Variants in LYRM7 observed in about 807,000 individuals in gnomAD.
LYRM7 encodes complex III assembly factor LYRM7.
A neutral mutation model predicts 15.8 loss-of-function variants in LYRM7; 9 were observed. The ratio of observed to expected loss-of-function variants is 0.57; its 90% CI spans 0.34 to 0.99. The LOEUF (loss-of-function observed/expected upper bound fraction) is 0.99, where lower values mean the gene tolerates loss of function less well. Ranked by LOEUF, LYRM7 falls within the 50% of genes least tolerant of loss-of-function variation. The probability of loss-of-function intolerance (pLI) is 0.02; values close to 1 mark genes in which losing one functional copy is unlikely to be tolerated. For synonymous variants in LYRM7, 39 were observed against 39.4 expected (o/e 0.99, Z 0.04); for missense variants, 115 against 119.1 (o/e 0.97, Z 0.16).
chr5:131,181,456 C>CAT (rs199684946), intron 2 of LYRM7, among the ~76,000 whole-genome samples: 1 of 118,010 alleles, frequency 8.5e-6, no homozygotes, highest in South Asian at 2.4e-4. Flanking sequence ...ATATATAAAA[C>CAT]ATATATATGT....
Position 131,200,674 on chromosome 5 carries a change from A to G in LYRM7, c.*1073A>G, listed in dbSNP as rs1265034518. The G allele has an allele frequency of 6.6e-6, 1 of 152,212 alleles. No homozygotes were observed. Among genetic ancestry groups the G allele is most frequent in the African/African-American group, 2.4e-5 (1 of 41,332 alleles). 9.4% of individuals were successfully genotyped at this position (152,212 alleles called of 1,614,324 possible). A position where few individuals can be genotyped will look rare whatever the true frequency, so the allele number is the denominator to read the frequency against. ...GTATCTAGAAATTATACCTAGAGAA[A>G]AATGAAAGTCGTTTCAAATTTGAAA... On this transcript the variant is annotated 3_prime_UTR_variant, in exon 5 of 5. Coordinates refer to ENST00000379380, the MANE Select transcript of LYRM7 (RefSeq NM_181705.4).
At chr5:131,192,032 TACACAC>T (rs60867142) in intron 4 of LYRM7, among the ~76,000 whole-genome samples, 3,994 of 127,634 alleles carry the variant, frequency 0.031, 113 homozygotes, top group African/African-American at 0.069. Context: ...ATGTGGTGCA[TACACAC>T]ACACACACAC....
chr5:131,182,443 G>C, intron 3 of LYRM7, 144 bp downstream of exon 3: 3 of 791,658 alleles, frequency 3.8e-6, no homozygotes, highest in Non-Finnish European at 5.2e-6. Context: ...TCACTTATTT[G>C]GTATGGCTCA....
Position 131,182,077 on chromosome 5 carries a change from A to G in LYRM7, c.92-152A>G, listed in dbSNP as rs72803764. The G allele has an allele frequency of 0.066, 43,353 of 658,528 alleles. 1,888 individuals carry two copies. Among genetic ancestry groups the G allele is most frequent in the Admixed American group, 0.16 (3,443 of 22,142 alleles). The allele number at this position is 658,528 out of a possible 1,614,324, so 40.8% of individuals were successfully genotyped here. On this transcript the variant is annotated intron_variant, in intron 2 of 4. Transcript: ENST00000379380. Reference sequence around the variant, plus strand: ...TGTCAAAAGCTCTCCAAGAGACTTCATTAATAAATTTCTTATTCTTATGCT... The same window carrying G: ...TGTCAAAAGCTCTCCAAGAGACTTCGTTAATAAATTTCTTATTCTTATGCT...
intron 3 of LYRM7, among the ~76,000 whole-genome samples, chr5:131,183,454 A>T (rs1380913064): frequency 2.0e-5 from 3 of 152,194 alleles, no homozygotes; most frequent in South Asian, 2.1e-4. Flanking sequence ...TGAAATTATG[A>T]TTAAAGACTT....
chr5:131,181,471 A>G (rs920015637), intron 2 of LYRM7, among the ~76,000 whole-genome samples: 2 of 130,110 alleles, frequency 1.5e-5, no homozygotes, highest in Admixed American at 1.7e-4. Context: ...ATATGTATAT[A>G]TATATAACAT....
At chr5:131,177,316 C>A (rs988648141) in intron 1 of LYRM7, among the ~76,000 whole-genome samples, 4 of 152,150 alleles carry the variant, frequency 2.6e-5, no homozygotes, top group Non-Finnish European at 5.9e-5. Context: ...TGGTCTTTGC[C>A]TCTCCCATGT....
At chr5:131,196,314 G>T (rs917406711) in intron 4 of LYRM7, among the ~76,000 whole-genome samples, 1 of 151,682 alleles carries the variant, frequency 6.6e-6, no homozygotes, top group African/African-American at 2.4e-5. Flanking sequence ...ACCGTGCTTG[G>T]CTTCTCCTGT....
intron 4 of LYRM7, among the ~76,000 whole-genome samples, chr5:131,188,925 T>C (rs1203124867): frequency 6.6e-6 from 1 of 151,820 alleles, no homozygotes; most frequent in Non-Finnish European, 1.5e-5. Flanking sequence ...GGCGGGTGGA[T>C]CACTTGAGGT....
intron 4 of LYRM7, among the ~76,000 whole-genome samples, chr5:131,195,616 T>C (rs944073315): frequency 1.3e-5 from 2 of 152,200 alleles, no homozygotes; most frequent in Non-Finnish European, 2.9e-5. Context: ...CTTTAAGAAG[T>C]GGCCCCTAAG....
At position 131,201,495 on chromosome 5, in the gene LYRM7, T is replaced by G. The variant is rs1756065297; in HGVS notation, c.*1894T>G. On this transcript the variant is annotated 3_prime_UTR_variant, in exon 5 of 5. Transcript: ENST00000379380. ...ACTTTGGGAGGCCGAGGCAGGCAGATCACCTGAGGTCAGGAGTTCTAGACC... is the reference window on the plus strand; with the variant it reads ...ACTTTGGGAGGCCGAGGCAGGCAGAGCACCTGAGGTCAGGAGTTCTAGACC... 2 of 152,310 alleles carry G rather than the reference T, an allele frequency of 1.3e-5. No homozygotes were observed. Among genetic ancestry groups the G allele is most frequent in the South Asian group, 4.2e-4 (2 of 4,816 alleles). 9.4% of individuals were successfully genotyped at this position (152,310 alleles called of 1,614,324 possible).
Position 131,199,900 on chromosome 5 carries a change from T to C in LYRM7, c.*299T>C. ...TCAATCTTTGACCTTGATGAGTATT[T>C]GATCTTACCATAGCTATTTGAGAAT... On this transcript the variant is annotated 3_prime_UTR_variant, in exon 5 of 5. Transcript: ENST00000379380. 5.4e-6 allele frequency: 1 copy of C among 186,816 alleles called. No individual in the cohort carries two copies. The highest frequency in any genetic ancestry group is 1.1e-5 in the Non-Finnish European group (1 of 91,250). 11.6% of individuals were successfully genotyped at this position (186,816 alleles called of 1,614,324 possible).
chr5:131,178,543 A>G (rs2149660130), intron 1 of LYRM7, among the ~76,000 whole-genome samples: 1 of 152,310 alleles, frequency 6.6e-6, no homozygotes, highest in East Asian at 1.9e-4. Flanking sequence ...ACCTCAGCAT[A>G]TCACTAAAGC....
chr5:131,204,473 C>G lies in LYRM7; in HGVS notation c.*4872C>G, dbSNP rs1272149519. On this transcript the variant is annotated 3_prime_UTR_variant, in exon 5 of 5. Transcript: ENST00000379380. ...GAGTTGAAAAGGATGAGGATACACA[C>G]ACACACACACACACACACACACACA... 8.9e-6 allele frequency: 1 copy of G among 112,358 alleles called. No homozygotes were observed. Among genetic ancestry groups the G allele is most frequent in the Non-Finnish European group, 1.7e-5 (1 of 58,778 alleles). 7.0% of individuals were successfully genotyped at this position (112,358 alleles called of 1,614,324 possible).
At position 131,178,961 on chromosome 5, in the gene LYRM7, C is replaced by CAA. The variant is rs58612746; in HGVS notation, c.19-1112_19-1111dup. 8.9e-3 allele frequency among the ~76,000 whole-genome samples: 536 copies of CAA among 60,398 alleles called. 3 individuals carry two copies. The highest frequency in any genetic ancestry group is 0.013 in the African/African-American group (230 of 17,250). The allele number at this position is 60,398 out of a possible 152,430, so 39.6% of individuals were successfully genotyped here. Reference sequence around the variant, plus strand: ...TGGGTGACAAGGTGAGACTCCGTCTCAAAAAAAAAAAAAAAAAAAAAAAGG... The same window carrying CAA: ...TGGGTGACAAGGTGAGACTCCGTCTCAAAAAAAAAAAAAAAAAAAAAAAAAGG... On this transcript the variant is annotated intron_variant, in intron 1 of 4. Transcript: ENST00000379380.
chr5:131,171,186 A>C, intron 1 of LYRM7, 148 bp downstream of exon 1: 1 of 791,240 alleles, frequency 1.3e-6, no homozygotes, highest in Admixed American at 4.2e-5. Context: ...CAGATGACCA[A>C]CTCCTAGGGG....
intron 3 of LYRM7, among the ~76,000 whole-genome samples, chr5:131,186,116 C>T (rs1371824125): frequency 6.6e-6 from 1 of 152,138 alleles, no homozygotes; most frequent in Non-Finnish European, 1.5e-5. Flanking sequence ...TAATTTTGAC[C>T]TCACAGATCC....
intron 1 of LYRM7, among the ~76,000 whole-genome samples, chr5:131,179,450 CTTTTCTTTTTTTTTTTTT>C (rs1319589497): frequency 2.7e-5 from 3 of 110,674 alleles, no homozygotes; most frequent in East Asian, 2.6e-4. Flanking sequence ...TTTTCTTTTT[CTTTTCTTTTTTTTTTTTT>C]TTTTCTTTTT....
At chr5:131,193,674 G>T (rs1755919621) in intron 4 of LYRM7, among the ~76,000 whole-genome samples, 1 of 151,980 alleles carries the variant, frequency 6.6e-6, no homozygotes, top group Non-Finnish European at 1.5e-5. Context: ...ACCTAAATTT[G>T]TACTTTGGTC....
Sources: allele counts gnomAD v4.1 joint callset (sites outside exome capture counted in the v4.1 genomes callset), GRCh38; gene constraint gnomAD v4.1.1; transcripts MANE v1.5; gene names NCBI Gene and HGNC (gene_info 2026-07-23, HGNC 2026-07-21).